RASGRF2: variants seen among roughly 807,000 people sequenced by gnomAD.
RASGRF2 encodes ras-specific guanine nucleotide-releasing factor 2.
In RASGRF2, 76 loss-of-function variants were observed where a neutral mutation model predicts 151.0. The observed-to-expected ratio is 0.50, with a 90% CI of 0.42 to 0.61. The LOEUF is 0.61. RASGRF2 is among the 20% of genes least tolerant of loss of function. RASGRF2 has a pLI of 0.00. For missense variants in RASGRF2, 1,148 were observed against 1,564.6 expected, an observed-to-expected ratio of 0.73 and a Z score of 4.49; for synonymous variants, 504 against 566.5, an observed-to-expected ratio of 0.89 and a Z score of 1.57.
chr5:81,164,844 A>G (rs13361557), intron 17 of RASGRF2, among the ~76,000 whole-genome samples: 35,546 of 152,084 alleles, frequency 0.23, 6,564 homozygotes, highest in African/African-American at 0.51. Flanking sequence ...TGAGGGGAAG[A>G]CATCTAGGCG....
intron 26 of RASGRF2, 66 bp downstream of exon 26, chr5:81,219,844 A>G: frequency 7.4e-7 from 1 of 1,355,872 alleles, no homozygotes; most frequent in Non-Finnish European, 1.0e-6. Context: ...TTAGAAAACA[A>G]CAGTAAAAGT....
At chr5:81,012,875 A>G (rs1749513635) in intron 1 of RASGRF2, among the ~76,000 whole-genome samples, 1 of 152,132 alleles carries the variant, frequency 6.6e-6, no homozygotes, top group South Asian at 2.1e-4. Context: ...GCACCTGGTC[A>G]TCCACTTTGG....
At chr5:81,086,333 C>A (rs530817981) in intron 8 of RASGRF2, among the ~76,000 whole-genome samples, 2 of 151,994 alleles carry the variant, frequency 1.3e-5, no homozygotes, top group African/African-American at 2.4e-5. Context: ...GGCAACATAG[C>A]GAGACCCCAT....
chr5:81,078,043 A>G (rs1367181250), intron 5 of RASGRF2, among the ~76,000 whole-genome samples: 1 of 152,236 alleles, frequency 6.6e-6, no homozygotes, highest in Non-Finnish European at 1.5e-5. Context: ...AGATTTGAAA[A>G]GAAATTTTTA....
intron 17 of RASGRF2, among the ~76,000 whole-genome samples, chr5:81,144,933 T>A (rs902509152): frequency 1.3e-5 from 2 of 151,986 alleles, no homozygotes; most frequent in African/African-American, 4.8e-5. Context: ...AATGCACACT[T>A]GATGTTTAAA....
At position 81,216,055 on chromosome 5, in the gene RASGRF2, A is replaced by G. The variant is rs1026598385; in HGVS notation, c.3434+100A>G. On this transcript the variant is annotated intron_variant, in intron 24 of 26. Coordinates refer to ENST00000265080, the MANE Select transcript of RASGRF2 (RefSeq NM_006909.3). ...TGACCTACCACCTACTTTGCTTTGA[A>G]AAGAAAAATAAATGGGAAACAACTT... 15 of 1,165,224 alleles carry G rather than the reference A, an allele frequency of 1.3e-5. No individual in the cohort carries two copies. The African/African-American group carries it at 2.4e-4, about 19-fold the overall frequency. 72.2% of individuals were successfully genotyped at this position (1,165,224 alleles called of 1,614,324 possible).
chr5:81,029,323 G>T (rs1750152865), intron 1 of RASGRF2, among the ~76,000 whole-genome samples: 1 of 152,226 alleles, frequency 6.6e-6, no homozygotes, highest in African/African-American at 2.4e-5. Flanking sequence ...CACACAGGTT[G>T]AGATCTGAGA....
At chr5:81,205,135 A>G (rs1414495637) in intron 19 of RASGRF2, among the ~76,000 whole-genome samples, 2 of 152,250 alleles carry the variant, frequency 1.3e-5, no homozygotes, top group East Asian at 3.8e-4. Context: ...CTGCCCTTTA[A>G]GATAAAATGA....
At chr5:81,138,274 C>A (rs1187521237) in intron 17 of RASGRF2, among the ~76,000 whole-genome samples, 2 of 152,162 alleles carry the variant, frequency 1.3e-5, no homozygotes, top group African/African-American at 4.8e-5. Flanking sequence ...GATATAGCTT[C>A]TTTTCCCACT....
At chr5:80,999,286 G>A (rs521812) in intron 1 of RASGRF2, among the ~76,000 whole-genome samples, 113,779 of 151,994 alleles carry the variant, frequency 0.75, 44,336 homozygotes, top group Middle Eastern at 0.91. Flanking sequence ...CCTGTATCAG[G>A]CACTACATCT....
At chr5:80,977,984 A>G (rs944892349) in intron 1 of RASGRF2, among the ~76,000 whole-genome samples, 2 of 152,214 alleles carry the variant, frequency 1.3e-5, no homozygotes, top group African/African-American at 4.8e-5. Flanking sequence ...TCCTTAAGAA[A>G]TAGTTGGGTG....
chr5:81,145,481 G>T (rs946312519), intron 17 of RASGRF2, among the ~76,000 whole-genome samples: 32 of 152,160 alleles, frequency 2.1e-4, no homozygotes, highest in African/African-American at 7.2e-4. Flanking sequence ...TCTTTAGTGT[G>T]GGCTGGACTT....
At chr5:81,213,370 CAG>C (rs1439322564) in intron 23 of RASGRF2, among the ~76,000 whole-genome samples, 2 of 148,668 alleles carry the variant, frequency 1.3e-5, no homozygotes, top group African/African-American at 4.9e-5. Context: ...CAAAGGGCCT[CAG>C]GGGAAGTTTC....
chr5:81,215,852 C>A, intron 23 of RASGRF2, 24 bp from the exon 24 acceptor site: 1 of 1,504,434 alleles, frequency 6.6e-7, no homozygotes, highest in African/African-American at 1.4e-5. Flanking sequence ...TTTCATCACA[C>A]TAAGTTTTTT....
In RASGRF2 at chr5:81,025,325, G is replaced by A. The variant is rs188745149; in HGVS notation, c.289-17552G>A. Among the ~76,000 whole-genome samples the A allele has an allele frequency of 6.6e-5, 10 of 152,264 alleles. No homozygotes were observed. In the East Asian group the frequency reaches 1.7e-3, roughly 26 times the overall value. ...CATGCTCCCAGACATTAGCCCTTCC[G>A]ATTCTTGCACAGGCCAGACATCAAC... On this transcript the variant is annotated intron_variant, in intron 1 of 26. Coordinates refer to ENST00000265080, the MANE Select transcript of RASGRF2 (RefSeq NM_006909.3).
At chr5:80,961,080 G>A in intron 1 of RASGRF2, 54 bp downstream of exon 1, 2 of 1,400,008 alleles carry the variant, frequency 1.4e-6, no homozygotes, top group South Asian at 3.2e-5. Context: ...GCACTCCCTT[G>A]CCGTCCTAAT....
At chr5:81,079,971 A>G (rs2112476580) in intron 5 of RASGRF2, 150 bp from the exon 6 acceptor site, 2 of 1,021,030 alleles carry the variant, frequency 2.0e-6, no homozygotes, top group East Asian at 3.2e-5. Context: ...TTGATTGAGG[A>G]TAATATAATC....
chr5:80,974,752 G>T (rs1221929879), intron 1 of RASGRF2, among the ~76,000 whole-genome samples: 1 of 152,160 alleles, frequency 6.6e-6, no homozygotes. Flanking sequence ...TTTATGAATC[G>T]GTTTTGACAA....
At chr5:81,080,940 A>T in intron 7 of RASGRF2, 151 bp downstream of exon 7, 1 of 657,922 alleles carries the variant, frequency 1.5e-6, no homozygotes, top group Non-Finnish European at 2.5e-6. Flanking sequence ...TGACCCTGAG[A>T]TAAACAAATA....
Sources: allele counts gnomAD v4.1 joint callset (sites outside exome capture counted in the v4.1 genomes callset), GRCh38; gene constraint gnomAD v4.1.1; transcripts MANE v1.5; gene names NCBI Gene and HGNC (gene_info 2026-07-23, HGNC 2026-07-21).